Variants in LDHC observed in about 807,000 individuals in gnomAD.
LDHC encodes L-lactate dehydrogenase C chain.
A neutral mutation model predicts 30.2 loss-of-function variants in LDHC; 20 were observed. That is an observed-to-expected ratio of 0.66 (90% CI 0.47 to 0.96). The LOEUF is 0.96. Among genes scored for constraint, LDHC ranks in the 40% least tolerant of loss-of-function variants. The pLI is 0.00. For synonymous variants in LDHC, 139 were observed against 132.7 expected (o/e 1.05, Z -0.32); for missense variants, 362 against 394.9 (o/e 0.92, Z 0.71).
intron 5 of LDHC, among the ~76,000 whole-genome samples, chr11:18,435,584 C>G (rs1224110164): frequency 6.6e-6 from 1 of 152,044 alleles, no homozygotes; most frequent in Non-Finnish European, 1.5e-5. Context: ...GTAAGTTGCC[C>G]AGTCTCAGGT....
chr11:18,444,644 A>ATATATATG (rs1848523540), intron 6 of LDHC, among the ~76,000 whole-genome samples: 1 of 110,346 alleles, frequency 9.1e-6, no homozygotes, highest in East Asian at 2.7e-4. Context: ...ATATATATAT[A>ATATATATG]TATATGCCTT....
chr11:18,449,551 G>A (rs73440626), intron 7 of LDHC, among the ~76,000 whole-genome samples: 2,482 of 151,806 alleles, frequency 0.016, 60 homozygotes, highest in African/African-American at 0.057. Flanking sequence ...AAAAGACAGT[G>A]GCTTTCCATA....
chr11:18,424,043 A>G (rs1394861706), intron 3 of LDHC, among the ~76,000 whole-genome samples: 1 of 151,890 alleles, frequency 6.6e-6, no homozygotes, highest in East Asian at 1.9e-4. Flanking sequence ...ATGTGGAACA[A>G]TAAGTGCTCT....
intron 6 of LDHC, among the ~76,000 whole-genome samples, chr11:18,441,147 C>T (rs889275393): frequency 6.6e-6 from 1 of 151,020 alleles, no homozygotes; most frequent in Non-Finnish European, 1.5e-5. Flanking sequence ...CAAAAAACAA[C>T]AACAACAATA....
intron 6 of LDHC, among the ~76,000 whole-genome samples, chr11:18,439,208 A>G (rs1422754909): frequency 6.6e-6 from 1 of 152,202 alleles, no homozygotes; most frequent in Non-Finnish European, 1.5e-5. Flanking sequence ...CCTTAACAGC[A>G]CACAGGATTA....
In LDHC at chr11:18,439,827, A is replaced by C. The variant is rs1273639693; in HGVS notation, c.710+1182A>C. Among the ~76,000 whole-genome samples the C allele has an allele frequency of 1.4e-4, 21 of 145,650 alleles. No homozygotes were observed. In the South Asian group the frequency reaches 1.9e-3, roughly 14 times the overall value. On this transcript the variant is annotated intron_variant, in intron 6 of 7. Transcript: ENST00000541669. ...CGTCTCTACTAAAAAAAAAAAAAAA[A>C]AAAAAAAAACAAAAATTAGCCAGCT... is the stretch of plus-strand genomic sequence containing the variant.
chr11:18,420,600 C>T (rs1867103661), intron 3 of LDHC, among the ~76,000 whole-genome samples: 1 of 130,996 alleles, frequency 7.6e-6, no homozygotes, highest in South Asian at 2.5e-4. Flanking sequence ...AGAAGGATCA[C>T]TTTGAGACCA....
intron 1 of LDHC, 21 bp from the exon 2 acceptor site, chr11:18,412,687 GA>G: frequency 6.2e-7 from 1 of 1,604,138 alleles, no homozygotes; most frequent in Non-Finnish European, 8.5e-7. Flanking sequence ...TTAATCCAAT[GA>G]AATTGCATTA....
At chr11:18,447,295 G>A (rs1350650348) in intron 7 of LDHC, among the ~76,000 whole-genome samples, 1 of 151,688 alleles carries the variant, frequency 6.6e-6, no homozygotes, top group Non-Finnish European at 1.5e-5. Context: ...CACCACACCC[G>A]GCTAATTTTT....
chr11:18,451,512 C>T lies in LDHC; in HGVS notation c.*385C>T, dbSNP rs1459559521. ...GTACTTTCATCCGTTAGAGTACCAG[C>T]ATATTCACTTCATTACATTAGCGTC... On this transcript the variant is annotated 3_prime_UTR_variant, in exon 8 of 8. Transcript: ENST00000541669. 6.5e-6 allele frequency: 1 copy of T among 153,560 alleles called. No individual in the cohort carries two copies. The highest frequency in any genetic ancestry group is 1.9e-4 in the East Asian group (1 of 5,244). The allele number at this position is 153,560 out of a possible 1,614,324, so 9.5% of individuals were successfully genotyped here. A position where few individuals can be genotyped will look rare whatever the true frequency, so the allele number is the denominator to read the frequency against.
intron 6 of LDHC, among the ~76,000 whole-genome samples, chr11:18,441,077 G>A (rs1244425335): frequency 1.3e-5 from 2 of 151,676 alleles, no homozygotes; most frequent in Non-Finnish European, 2.9e-5. Flanking sequence ...AATGAACAAC[G>A]ATAGTCCACT....
At chr11:18,434,652 CTA>C (rs2134062489) in intron 4 of LDHC, 86 bp from the exon 5 acceptor site, 1 of 736,054 alleles carries the variant, frequency 1.4e-6, no homozygotes, top group East Asian at 2.5e-5. Flanking sequence ...GTATTTGACT[CTA>C]AAACAATTCA....
intron 3 of LDHC, among the ~76,000 whole-genome samples, chr11:18,417,928 C>T (rs188070790): frequency 4.6e-5 from 7 of 152,014 alleles, no homozygotes; most frequent in Non-Finnish European, 1.0e-4. Flanking sequence ...CCTAGCTTTG[C>T]GAGGCTGATG....
At chr11:18,450,596 TG>T (rs1446733803) in intron 7 of LDHC, 1 of 170,856 alleles carries the variant, frequency 5.9e-6, no homozygotes, top group African/African-American at 2.4e-5. Context: ...GTTGCCTCGA[TG>T]TAGTTTGGAC....
intron 3 of LDHC, among the ~76,000 whole-genome samples, chr11:18,417,734 G>A (rs1443549314): frequency 6.6e-6 from 1 of 152,092 alleles, no homozygotes; most frequent in African/African-American, 2.4e-5. Flanking sequence ...TGTCTTCCCA[G>A]GGATTAACTT....
intron 5 of LDHC, among the ~76,000 whole-genome samples, chr11:18,436,637 C>T (rs1272248209): frequency 4.0e-5 from 6 of 151,876 alleles, no homozygotes; most frequent in Non-Finnish European, 8.8e-5. Context: ...CGGGCATGCA[C>T]CACCACACCC....
At chr11:18,426,396 G>A (rs779640213) in intron 3 of LDHC, among the ~76,000 whole-genome samples, 18 of 151,908 alleles carry the variant, frequency 1.2e-4, no homozygotes, top group East Asian at 3.9e-4. Flanking sequence ...GCATGGTGGC[G>A]GGTCCCTGTA....
intron 3 of LDHC, among the ~76,000 whole-genome samples, chr11:18,425,669 G>A (rs1401628996): frequency 6.6e-6 from 1 of 152,002 alleles, no homozygotes; most frequent in Non-Finnish European, 1.5e-5. Context: ...GCCAGGCGTG[G>A]TGGCTCACGC....
At chr11:18,426,541 A>AG (rs1183530685) in intron 3 of LDHC, among the ~76,000 whole-genome samples, 2 of 151,772 alleles carry the variant, frequency 1.3e-5, no homozygotes, top group Non-Finnish European at 2.9e-5. Context: ...AAAAAAAAAA[A>AG]AAAGATATTT....
Sources: allele counts gnomAD v4.1 joint callset (sites outside exome capture counted in the v4.1 genomes callset), GRCh38; gene constraint gnomAD v4.1.1; transcripts MANE v1.5; gene names NCBI Gene and HGNC (gene_info 2026-07-23, HGNC 2026-07-21).